Variants in TANGO6 observed in about 807,000 individuals in gnomAD.
TANGO6 encodes the protein transport and golgi organization 6 homolog.
A neutral mutation model predicts 114.2 loss-of-function variants in TANGO6; 90 were observed. That is an observed-to-expected ratio of 0.79 (90% confidence interval 0.66 to 0.94). TANGO6 has a LOEUF of 0.94. Ranked by LOEUF, TANGO6 falls within the 40% of genes least tolerant of loss-of-function variation. The pLI is 0.00. For missense variants in TANGO6, 1,274 were observed against 1,315.3 expected (o/e 0.97, Z 0.49); for synonymous variants, 477 against 509.8 (o/e 0.94, Z 0.87).
rs773713850 is a variant in TANGO6 at position 68,902,520 on chromosome 16, C to T, written c.1667+16C>T. 8.2e-6 allele frequency: 13 copies of T among 1,588,000 alleles called. No homozygotes were observed. In the East Asian group the frequency reaches 1.4e-4, roughly 17 times the overall value. The stretch of plus-strand genomic sequence containing the variant: ...AGGCCATTAGGTGAGTCCACCCATC[C>T]GTTACTGTTCTCTTCAGATTTAGTT... On this transcript the variant is annotated intron_variant, in intron 9 of 17. Coordinates refer to ENST00000261778, the MANE Select transcript of TANGO6 (RefSeq NM_024562.2).
intron 11 of TANGO6, among the ~76,000 whole-genome samples, chr16:68,916,288 C>T (rs991606533): frequency 3.9e-5 from 6 of 152,118 alleles, no homozygotes; most frequent in African/African-American, 1.2e-4. Context: ...ACCTGAGCGC[C>T]GCCTCCTGTC....
At chr16:68,973,331 G>A (rs1356039259) in intron 14 of TANGO6, among the ~76,000 whole-genome samples, 3 of 152,052 alleles carry the variant, frequency 2.0e-5, no homozygotes, top group Non-Finnish European at 4.4e-5. Context: ...CTCTGCTAAA[G>A]ACTAATGAGA....
chr16:69,063,455 G>A (rs1597076862), intron 17 of TANGO6, among the ~76,000 whole-genome samples: 1 of 151,606 alleles, frequency 6.6e-6, no homozygotes, highest in Admixed American at 6.6e-5. Flanking sequence ...AACCCCGGGG[G>A]CGGAGATTGC....
At chr16:68,987,135 T>C (rs988481066) in intron 15 of TANGO6, among the ~76,000 whole-genome samples, 2 of 133,890 alleles carry the variant, frequency 1.5e-5, no homozygotes, top group African/African-American at 6.1e-5. Context: ...CATTTTTCTG[T>C]GGATGGGTAT....
chr16:69,008,075 A>AT (rs1173038638), intron 15 of TANGO6, among the ~76,000 whole-genome samples: 2 of 151,884 alleles, frequency 1.3e-5, no homozygotes, highest in Non-Finnish European at 2.9e-5. Flanking sequence ...ATTTTCTTCC[A>AT]TTTTGTGGGT....
chr16:68,973,323 C>T (rs188343855), intron 14 of TANGO6, among the ~76,000 whole-genome samples: 69 of 152,102 alleles, frequency 4.5e-4, no homozygotes, highest in Middle Eastern at 6.8e-3. Context: ...TTCCTGTTCT[C>T]TGCTAAAGAC....
chr16:68,973,142 AG>A (rs1963725702), intron 14 of TANGO6: 1 of 455,850 alleles, frequency 2.2e-6, no homozygotes, highest in Non-Finnish European at 4.4e-6. Flanking sequence ...TGGATGAAAA[AG>A]GTAGAAGCAG....
intron 14 of TANGO6, chr16:68,973,293 C>G (rs908640654): frequency 9.5e-5 from 36 of 378,144 alleles, no homozygotes; most frequent in Non-Finnish European, 1.3e-4. Flanking sequence ...CGTCACTGTT[C>G]TTTATAGTGT....
intron 17 of TANGO6, among the ~76,000 whole-genome samples, chr16:69,076,379 A>G (rs1223143405): frequency 6.6e-6 from 1 of 152,146 alleles, no homozygotes; most frequent in Non-Finnish European, 1.5e-5. Flanking sequence ...TGCGTGAGCC[A>G]CCGTGCCCAG....
Position 69,083,565 on chromosome 16 carries a change from C to T in TANGO6, c.3189C>T (p.Leu1063=). Residue 1063 remains leucine, a synonymous_variant, in exon 18 of 18, where the codon CTC becomes CTT. Transcript: ENST00000261778. ...VCLEPDDVAK[L]HAQLALEELD... is the part of the protein sequence containing the mutation. ...TGGAGCCCGATGACGTGGCCAAGCT[C>T]CATGCCCAGTTGGCCCTAGAAGAGC... 1 of 1,609,674 alleles carries T rather than the reference C, an allele frequency of 6.2e-7. No individual in the cohort carries two copies. The highest frequency in any genetic ancestry group is 8.5e-7 in the Non-Finnish European group (1 of 1,178,086).
chr16:68,852,717 C>A (rs1295536057), intron 1 of TANGO6, among the ~76,000 whole-genome samples: 1 of 151,920 alleles, frequency 6.6e-6, no homozygotes, highest in African/African-American at 2.4e-5. Flanking sequence ...ACTGTGGTCC[C>A]AGCTACTGGA....
At chr16:68,867,021 C>T (rs569812689) in intron 3 of TANGO6, 58 bp from the exon 4 acceptor site, 649 of 1,390,344 alleles carry the variant, frequency 4.7e-4, no homozygotes, top group Middle Eastern at 1.5e-3. Flanking sequence ...GCCACTACGC[C>T]CGGCCATCAT....
At chr16:68,907,870 T>C (rs576257598) in intron 10 of TANGO6, among the ~76,000 whole-genome samples, 2 of 152,196 alleles carry the variant, frequency 1.3e-5, no homozygotes, top group South Asian at 4.1e-4. Flanking sequence ...CTTTGCTCTG[T>C]GTTGACAGTA....
chr16:68,874,618 C>A (rs1962327475), intron 4 of TANGO6, among the ~76,000 whole-genome samples: 1 of 152,074 alleles, frequency 6.6e-6, no homozygotes. Flanking sequence ...TGACTAAGTG[C>A]TAGTTTTTCT....
At chr16:69,021,922 G>T (rs1959414052) in intron 15 of TANGO6, among the ~76,000 whole-genome samples, 3 of 134,930 alleles carry the variant, frequency 2.2e-5, no homozygotes, top group Non-Finnish European at 3.1e-5. Context: ...ATCTCACTGT[G>T]TTGCCCAGGC....
At chr16:68,917,938 G>C (rs1416005585) in intron 11 of TANGO6, among the ~76,000 whole-genome samples, 2 of 91,882 alleles carry the variant, frequency 2.2e-5, no homozygotes, top group Non-Finnish European at 4.4e-5. Flanking sequence ...TTTTTTTTTT[G>C]AGATAGGATC....
In TANGO6 at chr16:68,953,864, A is replaced by G. The variant is rs1364531943; in HGVS notation, c.2702-20164A>G. On this transcript the variant is annotated intron_variant, in intron 14 of 17. Transcript: ENST00000261778. ...TTAATTGCTTCACTAAACATGTTTT[A>G]GGGACATTTTCCCTGACAGCAAGGG... is the stretch of plus-strand genomic sequence containing the variant. Among the ~76,000 whole-genome samples, 9 of 152,104 alleles carry G rather than the reference A, an allele frequency of 5.9e-5. No homozygotes were observed. The East Asian group carries it at 1.7e-3, about 29-fold the overall frequency.
rs543396810 is a variant in TANGO6 at position 68,870,035 on chromosome 16, A to C, written c.994+2815A>C. Among the ~76,000 whole-genome samples the C allele has an allele frequency of 2.0e-5, 3 of 152,304 alleles. No individual in the cohort carries two copies. In the East Asian group the frequency reaches 5.8e-4, roughly 29 times the overall value. On this transcript the variant is annotated intron_variant, in intron 4 of 17. Coordinates refer to ENST00000261778, the MANE Select transcript of TANGO6 (RefSeq NM_024562.2). ...TGCGAAACGATTAACAGTTTTAAGAAAGAGAGAACATGATCAAATCTGCAG... is the reference window on the plus strand; with the variant it reads ...TGCGAAACGATTAACAGTTTTAAGACAGAGAGAACATGATCAAATCTGCAG...
chr16:69,034,955 TC>T (rs1454806899), intron 16 of TANGO6: 1 of 150,458 alleles, frequency 6.6e-6, no homozygotes. Context: ...TCTTTATCAC[TC>T]TCTATGAGAA....
Sources: allele counts gnomAD v4.1 joint callset (sites outside exome capture counted in the v4.1 genomes callset), GRCh38; gene constraint gnomAD v4.1.1; transcripts MANE v1.5; gene names NCBI Gene and HGNC (gene_info 2026-07-23, HGNC 2026-07-21).